The following PEX14 variants were observed in gnomAD, a reference collection of about 807,000 sequenced individuals.
PEX14 encodes peroxisomal membrane protein PEX14.
In PEX14, 15 loss-of-function variants were observed where a neutral mutation model predicts 49.5. That is an observed-to-expected ratio of 0.30 (90% CI 0.20 to 0.47). The LOEUF (loss-of-function observed/expected upper bound fraction) is 0.47, where lower values mean the gene tolerates loss of function less well. Among genes scored for constraint, PEX14 ranks in the 20% least tolerant of loss-of-function variants. The pLI is 1.00. For missense variants in PEX14, 398 were observed against 494.8 expected, an observed-to-expected ratio of 0.80 and a Z score of 1.86; for synonymous variants, 210 against 212.7, an observed-to-expected ratio of 0.99 and a Z score of 0.11.
Position 10,512,053 on chromosome 1 carries a change from G to A in PEX14, c.84+16732G>A, listed in dbSNP as rs936093781. Among the ~76,000 whole-genome samples the A allele has an allele frequency of 3.9e-5, 6 of 152,068 alleles. No individual in the cohort carries two copies. The highest frequency in any genetic ancestry group is 3.9e-4 in the East Asian group (2 of 5,184). On this transcript the variant is annotated intron_variant, in intron 2 of 8. Coordinates refer to ENST00000356607, the MANE Select transcript of PEX14 (RefSeq NM_004565.3). This position sits in a 1 kb window ranked among gnomAD's most constrained non-coding sequence, Gnocchi z 4.6. ...TGGCTCACTGCACGCTCCGCCTCCC[G>A]GGTTTACGCCATTCTCCTGCCTCAG... is the stretch of plus-strand genomic sequence containing the variant.
intron 3 of PEX14, among the ~76,000 whole-genome samples, chr1:10,559,456 C>A (rs527262472): frequency 1.3e-5 from 2 of 152,080 alleles, no homozygotes; most frequent in Non-Finnish European, 2.9e-5. Context: ...TTTTGTCAAG[C>A]GGAAAAGCTG....
chr1:10,545,824 G>A (rs982409974), intron 3 of PEX14, among the ~76,000 whole-genome samples: 4 of 151,864 alleles, frequency 2.6e-5, no homozygotes, highest in African/African-American at 9.7e-5. Flanking sequence ...CAGAAGGATT[G>A]CTTTAGATGG....
chr1:10,614,456 A>G (rs978428301), intron 4 of PEX14, among the ~76,000 whole-genome samples: 1 of 151,634 alleles, frequency 6.6e-6, no homozygotes, highest in African/African-American at 2.4e-5. Flanking sequence ...TGGGGCTGGA[A>G]TAGCTCAGAA....
At position 10,494,061 on chromosome 1, in the gene PEX14, A is replaced by G. The variant is rs1641515750; in HGVS notation, c.37-1213A>G. ...GGGAAGCTTGCTCACATTCCCTGAG[A>G]CGGACCCTCACTTTCTAGATCGTTT... On this transcript the variant is annotated intron_variant, in intron 1 of 8. Coordinates refer to ENST00000356607, the MANE Select transcript of PEX14 (RefSeq NM_004565.3). The surrounding 1 kb of genome is among the most constrained non-coding windows in gnomAD (Gnocchi z 4.3). Among the ~76,000 whole-genome samples, 1 of 152,146 alleles carries G rather than the reference A, an allele frequency of 6.6e-6. No homozygotes were observed. The highest frequency in any genetic ancestry group is 6.5e-5 in the Admixed American group (1 of 15,272).
At chr1:10,525,770 C>T (rs1638454683) in intron 2 of PEX14, among the ~76,000 whole-genome samples, 1 of 151,942 alleles carries the variant, frequency 6.6e-6, no homozygotes, top group South Asian at 2.1e-4. Flanking sequence ...GGACTGCAGG[C>T]ACATGCCACC....
At chr1:10,491,527 C>T (rs888895514) in intron 1 of PEX14, among the ~76,000 whole-genome samples, 1 of 150,870 alleles carries the variant, frequency 6.6e-6, no homozygotes, top group African/African-American at 2.4e-5. Flanking sequence ...CCACCACACC[C>T]GGCTAATTTT....
chr1:10,605,268 G>A (rs1372356346), intron 4 of PEX14, among the ~76,000 whole-genome samples: 1 of 152,194 alleles, frequency 6.6e-6, no homozygotes, highest in African/African-American at 2.4e-5. Flanking sequence ...TGTGAGCCCA[G>A]CTGGTGCAGA....
At chr1:10,621,718 A>G (rs560337410) in intron 5 of PEX14, among the ~76,000 whole-genome samples, 1 of 152,298 alleles carries the variant, frequency 6.6e-6, no homozygotes, top group East Asian at 1.9e-4. Flanking sequence ...GTTTTGGCTC[A>G]GTTGTGGGTA....
In PEX14 at chr1:10,529,790, C is replaced by T. The variant is rs899477647; in HGVS notation, c.85-6423C>T. Among the ~76,000 whole-genome samples, 5 of 152,108 alleles carry T rather than the reference C, an allele frequency of 3.3e-5. No homozygotes were observed. Among genetic ancestry groups the T allele is most frequent in the Admixed American group, 6.5e-5 (1 of 15,288 alleles). On this transcript the variant is annotated intron_variant, in intron 2 of 8. Transcript: ENST00000356607. The surrounding 1 kb of genome is among the most constrained non-coding windows in gnomAD (Gnocchi z 4.2). The stretch of plus-strand genomic sequence containing the variant: ...GTCAACTCCTGTGCACTTCTACCAG[C>T]GGAATTTTATTTCTTTAATGTGAAA...
chr1:10,483,801 A>T (rs1641323512), intron 1 of PEX14, among the ~76,000 whole-genome samples: 1 of 151,710 alleles, frequency 6.6e-6, no homozygotes, highest in African/African-American at 2.4e-5. Flanking sequence ...AGCAAGATCA[A>T]CAGTTTCAGT....
intron 1 of PEX14, among the ~76,000 whole-genome samples, chr1:10,483,296 C>T (rs1023778749): frequency 2.6e-5 from 4 of 151,914 alleles, no homozygotes; most frequent in African/African-American, 7.3e-5. Context: ...GCTAGGATTA[C>T]AGGTGTGAAC....
intron 3 of PEX14, among the ~76,000 whole-genome samples, chr1:10,562,858 T>C (rs35409029): frequency 0.61 from 93,145 of 151,566 alleles, 29,894 homozygotes; most frequent in Admixed American, 0.7. Context: ...TTGCTGAATC[T>C]TCATATCAGT....
At position 10,582,615 on chromosome 1, in the gene PEX14, G is replaced by C. The variant is rs531752703; in HGVS notation, c.170-16623G>C. ...GCTACTCTGATGGCTGGAACATCAG[G>C]GGTGGAAGACTGATGCCTGACTCTC... On this transcript the variant is annotated intron_variant, in intron 3 of 8. Transcript: ENST00000356607. 3.0e-4 allele frequency among the ~76,000 whole-genome samples: 46 copies of C among 152,274 alleles called. No homozygotes were observed. In the Middle Eastern group the frequency reaches 0.014, roughly 45 times the overall value.
chr1:10,477,116 G>T (rs1172154044), intron 1 of PEX14, among the ~76,000 whole-genome samples: 1 of 151,724 alleles, frequency 6.6e-6, no homozygotes, highest in East Asian at 1.9e-4. Context: ...TGTCACCCAG[G>T]CTGGAGTGCA....
In PEX14 at chr1:10,494,828, CT is replaced by C. The variant is rs1641529782; in HGVS notation, c.37-445del. On this transcript the variant is annotated intron_variant, in intron 1 of 8. Coordinates refer to ENST00000356607, the MANE Select transcript of PEX14 (RefSeq NM_004565.3). This position sits in a 1 kb window ranked among gnomAD's most constrained non-coding sequence, Gnocchi z 4.3. ...CCTGAGCGTGGGCAGCTGGGGCCCC[CT>C]GGTGGTGGAATCTGGTTCTCCACTG... is the stretch of plus-strand genomic sequence containing the variant. Among the ~76,000 whole-genome samples, 1 of 152,242 alleles carries C rather than the reference CT, an allele frequency of 6.6e-6. No individual in the cohort carries two copies. The highest frequency in any genetic ancestry group is 1.5e-5 in the Non-Finnish European group (1 of 68,038).
At chr1:10,549,399 A>G (rs1432290220) in intron 3 of PEX14, among the ~76,000 whole-genome samples, 1 of 152,232 alleles carries the variant, frequency 6.6e-6, no homozygotes, top group Non-Finnish European at 1.5e-5. Context: ...GAAAGAACAC[A>G]GGTCGAATTT....
At position 10,556,003 on chromosome 1, in the gene PEX14, C is replaced by T. The variant is rs536815668; in HGVS notation, c.169+19706C>T. ...CACTGCTGGACAAAGCAGTCCATCTCGGTGGGCTGGCACTGCGGAGCCAGC... is the reference window on the plus strand; with the variant it reads ...CACTGCTGGACAAAGCAGTCCATCTTGGTGGGCTGGCACTGCGGAGCCAGC... On this transcript the variant is annotated intron_variant, in intron 3 of 8. Transcript: ENST00000356607. Among the ~76,000 whole-genome samples the T allele has an allele frequency of 2.2e-3, 332 of 152,182 alleles. 2 individuals carry two copies. Among genetic ancestry groups the T allele is most frequent in the African/African-American group, 7.6e-3 (314 of 41,524 alleles).
Position 10,623,025 on chromosome 1 carries a change from C to T in PEX14, c.391C>T (p.Leu131=), listed in dbSNP as rs1641639562. ...FGFHQLYKKY[L]LPLILGGRED... is the part of the protein sequence containing the mutation. The stretch of plus-strand genomic sequence containing the variant: ...CCTGTCCCGCTTCTTGCAGAAATAC[C>T]TGCTCCCCCTCATCCTGGGCGGCCG... The change falls in exon 6 of 9, where the codon CTG becomes TTG. Residue 131 remains leucine (L), a synonymous_variant. Transcript: ENST00000356607. This position sits in a 1 kb window ranked among gnomAD's most constrained non-coding sequence, Gnocchi z 4.4. 8.1e-6 allele frequency: 13 copies of T among 1,612,030 alleles called. No homozygotes were observed. Among genetic ancestry groups the T allele is most frequent in the African/African-American group, 1.3e-5 (1 of 74,874 alleles).
Position 10,494,286 on chromosome 1 carries a change from C to T in PEX14, c.37-988C>T, listed in dbSNP as rs1392105507. 6.6e-6 allele frequency among the ~76,000 whole-genome samples: 1 copy of T among 152,202 alleles called. No homozygotes were observed. Among genetic ancestry groups the T allele is most frequent in the Non-Finnish European group, 1.5e-5 (1 of 68,042 alleles). On this transcript the variant is annotated intron_variant, in intron 1 of 8. Coordinates refer to ENST00000356607, the MANE Select transcript of PEX14 (RefSeq NM_004565.3). This position sits in a 1 kb window ranked among gnomAD's most constrained non-coding sequence, Gnocchi z 4.3. ...CTTTTCCAAGGCGGCCTGGCACTTC[C>T]ATCTGATCTGTAATAGCCGGGAGAA...
Sources: gnomAD v4.1 joint callset for allele counts (sites outside exome capture counted in the v4.1 genomes callset) on GRCh38, gnomAD v4.1.1 for gene constraint, Gnocchi (gnomAD v3.1) non-coding constraint, MANE v1.5 for transcripts, NCBI Gene and HGNC (gene_info 2026-07-23, HGNC 2026-07-21) for gene names.